GLIPR1L1: variants seen among roughly 807,000 people sequenced by gnomAD.
GLIPR1L1 encodes the protein GLIPR1 like 1.
GLIPR1L1 carries 26 observed loss-of-function variants against 29.9 expected under a neutral mutation model. The observed-to-expected ratio is 0.87, with a 90% CI of 0.64 to 1.21. The LOEUF (loss-of-function observed/expected upper bound fraction) is 1.21, where lower values mean the gene tolerates loss of function less well. GLIPR1L1 is among the 50% of genes most tolerant of loss of function. The pLI, the probability that GLIPR1L1 is intolerant of heterozygous loss-of-function variation, is 0.00. For missense variants in GLIPR1L1, 305 were observed against 290.3 expected, an observed-to-expected ratio of 1.05 and a Z score of -0.37; for synonymous variants, 77 against 97.5, an observed-to-expected ratio of 0.79 and a Z score of 1.24.
chr12:75,358,759 TTA>T (rs1201466133), intron 3 of GLIPR1L1, among the ~76,000 whole-genome samples: 1 of 144,576 alleles, frequency 6.9e-6, no homozygotes, highest in Non-Finnish European at 1.5e-5. Context: ...ATATAATATA[TTA>T]TATATGTTTA....
chr12:75,348,423 T>C (rs896258809), intron 3 of GLIPR1L1, among the ~76,000 whole-genome samples: 1 of 152,228 alleles, frequency 6.6e-6, no homozygotes, highest in African/African-American at 2.4e-5. Flanking sequence ...TTTTCTTCCA[T>C]GACCTTTCAC....
chr12:75,341,849 A>C (rs11180469), intron 1 of GLIPR1L1, among the ~76,000 whole-genome samples: 1 of 146,718 alleles, frequency 6.8e-6, no homozygotes. Context: ...TCCTAGGTTC[A>C]AGCAATTCTC....
At chr12:75,368,817 T>A (rs1039697580) in intron 4 of GLIPR1L1, among the ~76,000 whole-genome samples, 3 of 151,896 alleles carry the variant, frequency 2.0e-5, no homozygotes, top group African/African-American at 7.2e-5. Context: ...AGCTATTTTG[T>A]TCTAGTGTGA....
At chr12:75,339,677 ATGGTAT>A (rs2041972933) in intron 1 of GLIPR1L1, among the ~76,000 whole-genome samples, 1 of 152,106 alleles carries the variant, frequency 6.6e-6, no homozygotes, top group Non-Finnish European at 1.5e-5. Context: ...TATGTCCTGA[ATGGTAT>A]TGCCTAGATT....
intron 1 of GLIPR1L1, among the ~76,000 whole-genome samples, chr12:75,340,124 A>G (rs762050703): frequency 3.6e-4 from 54 of 150,672 alleles, no homozygotes; most frequent in Admixed American, 1.5e-3. Flanking sequence ...ATATGTATAT[A>G]TTTTATACAC....
Position 75,370,105 on chromosome 12 carries a change from A to T in GLIPR1L1, c.658A>T (p.Thr220Ser). Residue 220 changes from threonine (T) to serine (S), a missense_variant, in exon 6 of 6, where the codon ACG becomes TCG. By Grantham distance (58) the Thr-to-Ser change is moderately conservative. Coordinates refer to ENST00000378695, the MANE Select transcript of GLIPR1L1 (RefSeq NM_001304964.2). ...IPNQNPFLKP[T>S]GRAPQQTAFN... is the part of the protein sequence containing the mutation. ...GACAGAAAATCCATTTCTGAAGCCA[A>T]CGGGGAGAGCACCTCAGCAGACAGC... 1 of 1,606,712 alleles carries T rather than the reference A, an allele frequency of 6.2e-7. No homozygotes were observed. The highest frequency in any genetic ancestry group is 8.5e-7 in the Non-Finnish European group (1 of 1,175,498).
intron 3 of GLIPR1L1, among the ~76,000 whole-genome samples, chr12:75,348,289 TAAAAATAAGC>T (rs753460186): frequency 1.3e-4 from 20 of 151,990 alleles, no homozygotes; most frequent in Non-Finnish European, 2.5e-4. Flanking sequence ...AACATCAATT[TAAAAATAAGC>T]AGTAGAAAAG....
At position 75,363,142 on chromosome 12, in the gene GLIPR1L1, T is replaced by A. The variant is rs779286766; in HGVS notation, c.562T>A (p.Ser188Thr). ...TATGCCTCCTTACGTAAGAGGAGAA[T>A]CTTGCTCTCTCTGCTCAAAAGAAGA... ...ANMPPYVRGE[S>T]CSLCSKEEKC... Residue 188 changes from serine (S) to threonine (T), a missense_variant, in exon 4 of 6, where the codon TCT (serine) becomes ACT (threonine). Coordinates refer to ENST00000378695, the MANE Select transcript of GLIPR1L1 (RefSeq NM_001304964.2). 2.6e-6 allele frequency: 4 copies of A among 1,557,296 alleles called. No individual in the cohort carries two copies. The South Asian group carries it at 5.1e-5, about 20-fold the overall frequency.
chr12:75,343,568 AC>A, intron 1 of GLIPR1L1, 124 bp from the exon 2 acceptor site: 2 of 739,722 alleles, frequency 2.7e-6, no homozygotes, highest in Non-Finnish European at 2.1e-6. Flanking sequence ...CATAATAAAT[AC>A]CAAAGAAAAA....
At chr12:75,341,555 T>C (rs1018009089) in intron 1 of GLIPR1L1, among the ~76,000 whole-genome samples, 2 of 152,052 alleles carry the variant, frequency 1.3e-5, no homozygotes, top group Non-Finnish European at 2.9e-5. Context: ...CACGCCATTC[T>C]CCTGCCTCAG....
At chr12:75,358,087 ATCATC>A (rs1218314765) in intron 3 of GLIPR1L1, among the ~76,000 whole-genome samples, 2 of 151,678 alleles carry the variant, frequency 1.3e-5, no homozygotes, top group Non-Finnish European at 3.0e-5. Flanking sequence ...AATAAAATTT[ATCATC>A]TGCAAACCAT....
intron 3 of GLIPR1L1, chr12:75,360,795 C>A (rs1195545715): frequency 6.6e-6 from 1 of 152,162 alleles, no homozygotes; most frequent in East Asian, 1.9e-4. Context: ...TTCCACACTG[C>A]CCTAGTAGAG....
At chr12:75,348,440 GC>G (rs2042594710) in intron 3 of GLIPR1L1, among the ~76,000 whole-genome samples, 1 of 152,134 alleles carries the variant, frequency 6.6e-6, no homozygotes, top group African/African-American at 2.4e-5. Flanking sequence ...TCACTTGGAA[GC>G]AAAAACAAGA....
intron 3 of GLIPR1L1, among the ~76,000 whole-genome samples, chr12:75,362,143 G>A (rs1004503513): frequency 1.3e-5 from 2 of 152,034 alleles, no homozygotes; most frequent in African/African-American, 4.8e-5. Flanking sequence ...AATAAAGGAT[G>A]TACCCTGGAA....
In GLIPR1L1 at chr12:75,334,675, A is replaced by G; in HGVS notation, c.-54A>G. ...GGGCGTGGGGAAATCGGGTTGCCCC[A>G]GCCGTTACTGGTCCGCGCAGTCAGG... On this transcript the variant is annotated 5_prime_UTR_variant, in exon 1 of 6. Coordinates refer to ENST00000378695, the MANE Select transcript of GLIPR1L1 (RefSeq NM_001304964.2). 6.3e-7 allele frequency: 1 copy of G among 1,575,228 alleles called. No homozygotes were observed. Among genetic ancestry groups the G allele is most frequent in the Non-Finnish European group, 8.6e-7 (1 of 1,160,490 alleles).
intron 4 of GLIPR1L1, chr12:75,366,702 C>G (rs1462047228): frequency 3.4e-5 from 18 of 532,532 alleles, no homozygotes; most frequent in Non-Finnish European, 5.7e-5. Context: ...TTTTGTGTTG[C>G]AGATCAATGT....
intron 2 of GLIPR1L1, among the ~76,000 whole-genome samples, chr12:75,344,722 T>C (rs1190082367): frequency 6.6e-6 from 1 of 152,176 alleles, no homozygotes; most frequent in Non-Finnish European, 1.5e-5. Flanking sequence ...GCTGGGTTCA[T>C]CTGTATACTA....
At chr12:75,336,724 A>G (rs894165083) in intron 1 of GLIPR1L1, among the ~76,000 whole-genome samples, 2 of 151,844 alleles carry the variant, frequency 1.3e-5, no homozygotes, top group African/African-American at 4.8e-5. Context: ...GAGTAAGAGA[A>G]CAAGTAGGTA....
chr12:75,363,603 G>T (rs2043766458), intron 4 of GLIPR1L1, among the ~76,000 whole-genome samples: 1 of 152,108 alleles, frequency 6.6e-6, no homozygotes, highest in South Asian at 2.1e-4. Flanking sequence ...TTCATGATCA[G>T]CTTTTTGGTT....
Sources: gnomAD v4.1 joint callset for allele counts (sites outside exome capture counted in the v4.1 genomes callset) on GRCh38, gnomAD v4.1.1 for gene constraint, MANE v1.5 for transcripts, NCBI Gene and HGNC (gene_info 2026-07-23, HGNC 2026-07-21) for gene names.